The following TECPR1 variants were observed in gnomAD, a reference collection of about 807,000 sequenced individuals.
TECPR1 encodes tectonin beta-propeller repeat containing 1.
Under a neutral mutation model 162.4 loss-of-function variants are expected in TECPR1, and 122 were observed. The ratio of observed to expected loss-of-function variants is 0.75; its 90% CI spans 0.65 to 0.87. The LOEUF is 0.87. Ranked by LOEUF, TECPR1 falls within the 40% of genes least tolerant of loss-of-function variation. The probability of loss-of-function intolerance (pLI) is 0.00; values close to 1 mark genes in which losing one functional copy is unlikely to be tolerated. For missense variants in TECPR1, 1,432 were observed against 1,618.2 expected, an observed-to-expected ratio of 0.88 and a Z score of 1.97; for synonymous variants, 642 against 670.6, an observed-to-expected ratio of 0.96 and a Z score of 0.66.
intron 8 of TECPR1, among the ~76,000 whole-genome samples, chr7:98,240,563 G>A (rs923223444): frequency 3.3e-5 from 5 of 151,910 alleles, no homozygotes; most frequent in Non-Finnish European, 7.4e-5. Flanking sequence ...ACAGGTGCCC[G>A]CCACCATGCC....
At chr7:98,222,666 GA>G in intron 21 of TECPR1, 145 bp from the exon 22 acceptor site, 3 of 1,037,822 alleles carry the variant, frequency 2.9e-6, no homozygotes, top group African/African-American at 1.6e-5. Context: ...CACCCGGCCT[GA>G]TCTCGGTGCT....
chr7:98,247,312 T>A (rs550267683), intron 2 of TECPR1, among the ~76,000 whole-genome samples: 18 of 149,994 alleles, frequency 1.2e-4, no homozygotes, highest in African/African-American at 2.9e-4. Flanking sequence ...TAATTAAAAA[T>A]TTTTTTTTTG....
chr7:98,248,881 G>A (rs1481032816), intron 2 of TECPR1, among the ~76,000 whole-genome samples: 1 of 150,830 alleles, frequency 6.6e-6, no homozygotes, highest in Non-Finnish European at 1.5e-5. Context: ...GCTCTTTGGG[G>A]ACAAGGTGCA....
chr7:98,218,044 T>G lies in TECPR1; in HGVS notation c.3158-2A>C. The G allele has an allele frequency of 6.4e-7, 1 of 1,559,574 alleles. No homozygotes were observed. Among genetic ancestry groups the G allele is most frequent in the Non-Finnish European group, 8.7e-7 (1 of 1,152,324 alleles). ...TCCCTTGGCGATACCACAGGTTTCC[T>G]GGGGAGAAAAGCAGTGAGGGTCAAA... is the stretch of plus-strand genomic sequence containing the variant. On this transcript the variant is annotated splice_acceptor_variant, in intron 23 of 25. Coordinates refer to ENST00000447648, the MANE Select transcript of TECPR1 (RefSeq NM_015395.3). LOFTEE classifies it high-confidence loss of function.
At position 98,246,168 on chromosome 7, in the gene TECPR1, G is replaced by A. The variant is rs967766708; in HGVS notation, c.-19-3C>T. The A allele has an allele frequency of 6.5e-7, 1 of 1,532,542 alleles. No homozygotes were observed. 94.9% of individuals were successfully genotyped at this position (1,532,542 alleles called of 1,614,324 possible). On this transcript the variant is annotated splice_region_variant and splice_polypyrimidine_tract_variant and intron_variant, in intron 2 of 25. Transcript: ENST00000447648. ...GCATGGCAGCGGCTGGAGGTAACCT[G>A]CGGCAGGAGGACGAGGGCCAGCGTT...
intron 17 of TECPR1, 74 bp downstream of exon 17, chr7:98,227,940 T>A (rs1798320847): frequency 8.1e-7 from 1 of 1,236,492 alleles, no homozygotes; most frequent in Non-Finnish European, 1.2e-6. Flanking sequence ...CTACGGTGGA[T>A]GTTGCTGTCC....
intron 10 of TECPR1, among the ~76,000 whole-genome samples, chr7:98,235,419 G>A (rs1427708763): frequency 6.6e-6 from 1 of 151,882 alleles, no homozygotes; most frequent in Admixed American, 6.6e-5. Context: ...CAGCTACTCG[G>A]GAGGCTGAGG....
chr7:98,220,175 C>G (rs1227792501), intron 23 of TECPR1, among the ~76,000 whole-genome samples: 1 of 151,642 alleles, frequency 6.6e-6, no homozygotes, highest in East Asian at 2.0e-4. Context: ...AACCCCATCT[C>G]TACTAAAAAT....
intron 20 of TECPR1, 100 bp from the exon 21 acceptor site, chr7:98,223,270 C>A (rs949054318): frequency 3.1e-6 from 4 of 1,285,528 alleles, no homozygotes; most frequent in Non-Finnish European, 4.2e-6. Context: ...CAGCCAACCC[C>A]GGGGCGGGTA....
intron 23 of TECPR1, among the ~76,000 whole-genome samples, chr7:98,219,153 C>T (rs1798085377): frequency 6.6e-6 from 1 of 152,052 alleles, no homozygotes; most frequent in Admixed American, 6.5e-5. Context: ...ACACTTTATA[C>T]AATAAATGGT....
At chr7:98,237,611 G>T (rs1798635426) in intron 9 of TECPR1, among the ~76,000 whole-genome samples, 1 of 152,132 alleles carries the variant, frequency 6.6e-6, no homozygotes, top group South Asian at 2.1e-4. Flanking sequence ...TGGGATTACA[G>T]TCACGTGCTA....
In TECPR1 at chr7:98,224,830, C is replaced by G. The variant is rs868272136; in HGVS notation, c.2661G>C (p.Glu887Asp). Reference sequence around the variant, plus strand: ...GGAAGTCGCTGGCATACTGCCACCCCTCCTGGTCCGTGCCCCCCGGAACGC... The same window carrying G: ...GGAAGTCGCTGGCATACTGCCACCCGTCCTGGTCCGTGCCCCCCGGAACGC... Reference protein sequence around the residue: ...DFSVPGGTDQEGWQYASDFPA... With the variant: ...DFSVPGGTDQDGWQYASDFPA... Residue 887 changes from glutamate (E) to aspartate (D), a missense_variant, in exon 19 of 26, where the codon GAG becomes GAC. Transcript: ENST00000447648. 2 of 1,581,226 alleles carry G rather than the reference C, an allele frequency of 1.3e-6. No individual in the cohort carries two copies. Among genetic ancestry groups the G allele is most frequent in the East Asian group, 2.3e-5 (1 of 43,040 alleles).
At position 98,241,023 on chromosome 7, in the gene TECPR1, C is replaced by A; in HGVS notation, c.832+47G>T. On this transcript the variant is annotated intron_variant, in intron 7 of 25. Coordinates refer to ENST00000447648, the MANE Select transcript of TECPR1 (RefSeq NM_015395.3). The surrounding 1 kb of genome is among the most constrained non-coding windows in gnomAD (Gnocchi z 5.0). ...AGCTGGGGAGCGAGTGACCCTCACC[C>A]TTCTCCCCAGTACAGGGTATGTGGG... 1 of 1,588,602 alleles carries A rather than the reference C, an allele frequency of 6.3e-7. No individual in the cohort carries two copies. The highest frequency in any genetic ancestry group is 2.3e-5 in the East Asian group (1 of 43,750).
chr7:98,231,573 G>T, intron 13 of TECPR1, 200 bp from the exon 14 acceptor site: 1 of 574,428 alleles, frequency 1.7e-6, no homozygotes. Flanking sequence ...CCTCCCCTGG[G>T]CACCCCCATT....
At position 98,233,833 on chromosome 7, in the gene TECPR1, G is replaced by C. The variant is rs2291750; in HGVS notation, c.1260C>G (p.Val420=). 2 of 1,590,192 alleles carry C rather than the reference G, an allele frequency of 1.3e-6. No homozygotes were observed. Among genetic ancestry groups the C allele is most frequent in the Admixed American group, 1.8e-5 (1 of 56,130 alleles). The change falls in exon 11 of 26, where the codon GTC becomes GTG. Residue 420 remains valine, a synonymous_variant. Coordinates refer to ENST00000447648, the MANE Select transcript of TECPR1 (RefSeq NM_015395.3). The part of the protein sequence containing the change: ...APSDTDASSE[V]ERPGPGQILP... ...GAATCTGGCCAGGCCCTGGTCTCTC[G>C]ACTTCCGAGGAGGCATCGGTGTCGC...
At chr7:98,229,868 CA>C (rs1443073612) in intron 15 of TECPR1, among the ~76,000 whole-genome samples, 1 of 152,132 alleles carries the variant, frequency 6.6e-6, no homozygotes, top group South Asian at 2.1e-4. Context: ...GGCTTGGGAA[CA>C]ACCCCAGGGC....
At chr7:98,218,476 A>T (rs1798071872) in intron 23 of TECPR1, among the ~76,000 whole-genome samples, 1 of 152,212 alleles carries the variant, frequency 6.6e-6, no homozygotes, top group Non-Finnish European at 1.5e-5. Context: ...AAAACCCTAA[A>T]GACGCCTCCA....
At chr7:98,236,648 A>C in intron 10 of TECPR1, 128 bp downstream of exon 10, 1 of 1,295,122 alleles carries the variant, frequency 7.7e-7, no homozygotes, top group Non-Finnish European at 1.1e-6. Context: ...GTGGAGACCC[A>C]TTTTCTCCTG....
rs1584316412 is a variant in TECPR1, at chr7:98,216,943, C to G, written c.*447G>C. ...GGTCACTGCACATGGTAAAGAGGCCCTGAGCCCCATGGCCATCTCTCTTGG... is the reference window on the plus strand; with the variant it reads ...GGTCACTGCACATGGTAAAGAGGCCGTGAGCCCCATGGCCATCTCTCTTGG... On this transcript the variant is annotated 3_prime_UTR_variant, in exon 26 of 26. Transcript: ENST00000447648. The G allele has an allele frequency of 5.9e-6, 1 of 168,862 alleles. No homozygotes were observed. Among genetic ancestry groups the G allele is most frequent in the Admixed American group, 5.5e-5 (1 of 18,022 alleles). The allele number at this position is 168,862 out of a possible 1,614,324, so 10.5% of individuals were successfully genotyped here.
Sources: allele counts gnomAD v4.1 joint callset (sites outside exome capture counted in the v4.1 genomes callset), GRCh38; gene constraint gnomAD v4.1.1; non-coding constraint Gnocchi (gnomAD v3.1); transcripts MANE v1.5; gene names NCBI Gene and HGNC (gene_info 2026-07-23, HGNC 2026-07-21).